ANKS1B: variants seen among roughly 807,000 people sequenced by gnomAD.
ANKS1B encodes the protein ankyrin repeat and sterile alpha motif domain containing 1B.
Under a neutral mutation model 148.3 loss-of-function variants are expected in ANKS1B, and 36 were observed. The observed-to-expected ratio is 0.24, with a 90% CI of 0.19 to 0.32. The LOEUF (loss-of-function observed/expected upper bound fraction) is 0.32, where lower values mean the gene tolerates loss of function less well. ANKS1B is among the 10% of genes least tolerant of loss of function. The pLI is 1.00. For missense variants in ANKS1B, 1,157 were observed against 1,542.6 expected (o/e 0.75, Z 4.19); for synonymous variants, 542 against 560.8 (o/e 0.97, Z 0.47).
intron 9 of ANKS1B, among the ~76,000 whole-genome samples, chr12:99,542,861 G>C (rs935700683): frequency 5.9e-5 from 9 of 152,004 alleles, no homozygotes; most frequent in African/African-American, 1.9e-4. Flanking sequence ...ACGCCTAAAC[G>C]AAAGGGTAAA....
At chr12:99,797,773 G>T (rs916700326) in intron 4 of ANKS1B, among the ~76,000 whole-genome samples, 12 of 151,828 alleles carry the variant, frequency 7.9e-5, no homozygotes, top group African/African-American at 2.9e-4. Context: ...GAAAGCAAAA[G>T]AAATTCTCTC....
chr12:98,998,081 C>T (rs2099930761), intron 17 of ANKS1B, among the ~76,000 whole-genome samples: 1 of 152,198 alleles, frequency 6.6e-6, no homozygotes, highest in Non-Finnish European at 1.5e-5. Flanking sequence ...CCTTGTGCCA[C>T]TTTTCCAATG....
Position 98,751,543 on chromosome 12 carries a change from CA to C in ANKS1B, c.3580-22del. On this transcript the variant is annotated intron_variant, in intron 25 of 26. Coordinates refer to ENST00000683438, the MANE Select transcript of ANKS1B (RefSeq NM_001352186.2). This position sits in a 1 kb window ranked among gnomAD's most constrained non-coding sequence, Gnocchi z 4.3. ...AAATTCTGCAAGAAAAATGAGAAAG[CA>C]TTTGCTACTGGCACACTGCAAATTA... 6.2e-7 allele frequency: 1 copy of C among 1,612,452 alleles called. No homozygotes were observed. The highest frequency in any genetic ancestry group is 8.5e-7 in the Non-Finnish European group (1 of 1,179,100).
intron 12 of ANKS1B, among the ~76,000 whole-genome samples, chr12:99,323,505 G>A (rs992789794): frequency 6.6e-6 from 1 of 152,154 alleles, no homozygotes; most frequent in African/African-American, 2.4e-5. Context: ...GTACTGACTG[G>A]AATGCTTTTC....
At chr12:99,565,163 C>A (rs1228608776) in intron 9 of ANKS1B, among the ~76,000 whole-genome samples, 1 of 152,092 alleles carries the variant, frequency 6.6e-6, no homozygotes, top group African/African-American at 2.4e-5. Flanking sequence ...TAATAAAGGT[C>A]ACAAATAATT....
intron 9 of ANKS1B, among the ~76,000 whole-genome samples, chr12:99,509,531 ATCC>A (rs2096743511): frequency 6.6e-6 from 1 of 151,980 alleles, no homozygotes; most frequent in African/African-American, 2.4e-5. Context: ...CCAAATCCTA[ATCC>A]AGAGCAAGAC....
At chr12:99,214,373 C>T (rs1447150196) in intron 14 of ANKS1B, among the ~76,000 whole-genome samples, 2 of 152,130 alleles carry the variant, frequency 1.3e-5, no homozygotes, top group Admixed American at 6.5e-5. Context: ...TTGTAGCTCC[C>T]ATAATCCCCA....
intron 17 of ANKS1B, among the ~76,000 whole-genome samples, chr12:98,928,110 T>C (rs2099810377): frequency 6.6e-6 from 1 of 151,474 alleles, no homozygotes; most frequent in Non-Finnish European, 1.5e-5. Context: ...AGAGGGGATA[T>C]TGGCTGTGCA....
At chr12:98,908,914 G>A (rs979564639) in intron 17 of ANKS1B, among the ~76,000 whole-genome samples, 10 of 152,180 alleles carry the variant, frequency 6.6e-5, no homozygotes, top group Non-Finnish European at 1.0e-4. Context: ...CCTACCCACC[G>A]TCATGAAATC....
At chr12:99,664,507 G>A (rs571051033) in intron 8 of ANKS1B, among the ~76,000 whole-genome samples, 2 of 152,164 alleles carry the variant, frequency 1.3e-5, no homozygotes, top group South Asian at 4.1e-4. Flanking sequence ...TCAGCGTACA[G>A]TATGGCATTT....
intron 8 of ANKS1B, among the ~76,000 whole-genome samples, chr12:99,745,224 A>G (rs553843755): frequency 6.6e-6 from 1 of 152,304 alleles, no homozygotes; most frequent in Non-Finnish European, 1.5e-5. Context: ...GTAATTGTGC[A>G]TAAGTGCACA....
intron 17 of ANKS1B, among the ~76,000 whole-genome samples, chr12:98,986,879 A>C (rs1357023260): frequency 2.0e-5 from 3 of 152,108 alleles, no homozygotes; most frequent in African/African-American, 7.2e-5. Flanking sequence ...TTGGCCTCCG[A>C]AAGTGCTTAG....
intron 15 of ANKS1B, among the ~76,000 whole-genome samples, chr12:99,148,020 G>A (rs1325455089): frequency 1.3e-5 from 2 of 152,090 alleles, no homozygotes; most frequent in African/African-American, 4.8e-5. Context: ...TAGGGTTAAG[G>A]AAGTGGTTGG....
chr12:99,408,271 G>A (rs879746221), intron 11 of ANKS1B, among the ~76,000 whole-genome samples: 1 of 145,674 alleles, frequency 6.9e-6, no homozygotes, highest in Non-Finnish European at 1.5e-5. Context: ...AGACAGGGTG[G>A]TGGTGGAAAA....
intron 6 of ANKS1B, among the ~76,000 whole-genome samples, chr12:99,779,646 G>T (rs1486328004): frequency 6.6e-6 from 1 of 151,876 alleles, no homozygotes; most frequent in African/African-American, 2.4e-5. Context: ...TATCAAATGA[G>T]TAAATAAATA....
At chr12:98,931,068 G>T (rs2099813287) in intron 17 of ANKS1B, among the ~76,000 whole-genome samples, 1 of 152,060 alleles carries the variant, frequency 6.6e-6, no homozygotes, top group South Asian at 2.1e-4. Context: ...AAGGCACGAG[G>T]AGCAATAGCC....
intron 9 of ANKS1B, among the ~76,000 whole-genome samples, chr12:99,580,913 G>GGTA (rs1162176189): frequency 6.6e-6 from 1 of 151,970 alleles, no homozygotes; most frequent in Non-Finnish European, 1.5e-5. Flanking sequence ...CCTAAATTAA[G>GGTA]GTAGCTATGC....
intron 9 of ANKS1B, among the ~76,000 whole-genome samples, chr12:99,572,291 A>AT (rs1001921176): frequency 6.6e-6 from 1 of 152,020 alleles, no homozygotes; most frequent in Non-Finnish European, 1.5e-5. Flanking sequence ...AAAATTTAAA[A>AT]TTTTTTTCTA....
chr12:99,426,218 A>G (rs1349581890), intron 11 of ANKS1B, among the ~76,000 whole-genome samples: 1 of 148,026 alleles, frequency 6.8e-6, no homozygotes, highest in African/African-American at 2.4e-5. Context: ...CTTTTTTGAA[A>G]TAGTCTTTTT....
Sources: gnomAD v4.1 joint callset for allele counts (sites outside exome capture counted in the v4.1 genomes callset) on GRCh38, gnomAD v4.1.1 for gene constraint, Gnocchi (gnomAD v3.1) non-coding constraint, MANE v1.5 for transcripts, NCBI Gene and HGNC (gene_info 2026-07-23, HGNC 2026-07-21) for gene names.